The following IGHMBP2 variants were observed in gnomAD, a reference collection of about 807,000 sequenced individuals.
IGHMBP2 encodes the protein DNA-binding protein SMUBP-2.
A neutral mutation model predicts 96.0 loss-of-function variants in IGHMBP2; 81 were observed. The ratio of observed to expected loss-of-function variants is 0.84; its 90% CI spans 0.71 to 1.01. The LOEUF is 1.01. IGHMBP2 is among the 50% of genes least tolerant of loss of function. The probability of loss-of-function intolerance (pLI) is 0.00; values close to 1 mark genes in which losing one functional copy is unlikely to be tolerated. For synonymous variants in IGHMBP2, 557 were observed against 548.9 expected (o/e 1.01, Z -0.21); for missense variants, 1,227 against 1,306.3 (o/e 0.94, Z 0.94).
At chr11:68,922,598 A>G (rs1858921078) in intron 7 of IGHMBP2, among the ~76,000 whole-genome samples, 1 of 152,028 alleles carries the variant, frequency 6.6e-6, no homozygotes, top group South Asian at 2.1e-4. Context: ...GTTTCACCAC[A>G]TTGGCCAGGC....
chr11:68,936,090 G>T, intron 12 of IGHMBP2, 147 bp from the exon 13 acceptor site: 1 of 857,694 alleles, frequency 1.2e-6, no homozygotes, highest in South Asian at 1.4e-5. Flanking sequence ...TGGCATCACG[G>T]TGCCACGCGT....
chr11:68,917,752 C>G lies in IGHMBP2; in HGVS notation c.929C>G (p.Thr310Ser), dbSNP rs555235493. Residue 310 changes from threonine to serine, a missense_variant, in exon 7 of 15, where the codon ACC becomes AGC. Physicochemically the swap from Thr to Ser is moderately conservative, Grantham distance 58 (BLOSUM62 1). Transcript: ENST00000255078. Reference sequence around the variant, plus strand: ...TCTTTATAGGTGAAAAACAAAAAGACCCAGGATAAGAGAGAGAAAAGTAAT... The same window carrying G: ...TCTTTATAGGTGAAAAACAAAAAGAGCCAGGATAAGAGAGAGAAAAGTAAT... ...IDQVFVKNKK[T>S]QDKREKSNFR... is the part of the protein sequence containing the mutation. 3.7e-6 allele frequency: 6 copies of G among 1,612,230 alleles called. No individual in the cohort carries two copies. The highest frequency in any genetic ancestry group is 5.1e-6 in the Non-Finnish European group (6 of 1,178,744).
chr11:68,904,611 T>G (rs890526046), intron 1 of IGHMBP2, among the ~76,000 whole-genome samples: 19 of 151,560 alleles, frequency 1.3e-4, no homozygotes, highest in Admixed American at 4.6e-4. Flanking sequence ...GTTAAGCTGG[T>G]GGGTGCGGAG....
chr11:68,906,384 T>G, intron 2 of IGHMBP2, 146 bp downstream of exon 2: 1 of 909,738 alleles, frequency 1.1e-6, no homozygotes, highest in Non-Finnish European at 1.8e-6. Context: ...CAACAATTGA[T>G]GTGGGTTTTA....
intron 4 of IGHMBP2, among the ~76,000 whole-genome samples, chr11:68,909,629 CTT>C (rs764351899): frequency 1.2e-4 from 17 of 139,024 alleles, no homozygotes; most frequent in Non-Finnish European, 1.3e-4. Flanking sequence ...TTGGAAAAAT[CTT>C]TTTTTTTTTT....
Position 68,917,763 on chromosome 11 carries a change from A to G in IGHMBP2, c.940A>G (p.Arg314Gly), listed in dbSNP as rs775978627. 2 of 1,613,078 alleles carry G rather than the reference A, an allele frequency of 1.2e-6. No homozygotes were observed. Among genetic ancestry groups the G allele is most frequent in the Non-Finnish European group, 1.7e-6 (2 of 1,179,110 alleles). ...FVKNKKTQDK[R>G]EKSNFRNEIK... ...GAAAAACAAAAAGACCCAGGATAAG[A>G]GAGAGAAAAGTAATTTTCGAAATGA... The change falls in exon 7 of 15, where the codon AGA (arginine) becomes GGA (glycine). Residue 314 changes from arginine to glycine, a missense_variant. Arg to Gly is a moderately radical substitution (Grantham distance 125). Coordinates refer to ENST00000255078, the MANE Select transcript of IGHMBP2 (RefSeq NM_002180.3).
intron 5 of IGHMBP2, among the ~76,000 whole-genome samples, chr11:68,914,221 T>C (rs1370525521): frequency 1.3e-5 from 2 of 151,836 alleles, no homozygotes; most frequent in African/African-American, 4.8e-5. Context: ...CAACTGTCCA[T>C]GGGACTATTG....
At chr11:68,924,430 C>G (rs1442728739) in intron 7 of IGHMBP2, among the ~76,000 whole-genome samples, 1 of 152,228 alleles carries the variant, frequency 6.6e-6, no homozygotes, top group Non-Finnish European at 1.5e-5. Context: ...GCGGAGAGCC[C>G]AGGCCCGGCT....
At position 68,916,016 on chromosome 11, in the gene IGHMBP2, A is replaced by C. The variant is rs192312760; in HGVS notation, c.912+993A>C. Among the ~76,000 whole-genome samples the C allele has an allele frequency of 1.2e-3, 177 of 152,052 alleles. 1 individual carries two copies. Among genetic ancestry groups the C allele is most frequent in the African/African-American group, 3.8e-3 (159 of 41,536 alleles). Reference sequence around the variant, plus strand: ...TGGTGAAACCCCGTCTCTACTAAAAATACAAAAATTAGCTGAGCATGGTGG... The same window carrying C: ...TGGTGAAACCCCGTCTCTACTAAAACTACAAAAATTAGCTGAGCATGGTGG... On this transcript the variant is annotated intron_variant, in intron 6 of 14. Coordinates refer to ENST00000255078, the MANE Select transcript of IGHMBP2 (RefSeq NM_002180.3).
chr11:68,913,589 A>T (rs1401892434), intron 5 of IGHMBP2, among the ~76,000 whole-genome samples: 1 of 151,688 alleles, frequency 6.6e-6, no homozygotes, highest in Non-Finnish European at 1.5e-5. Flanking sequence ...GATTACAGGC[A>T]TGAGCCACCG....
rs756985703 is a variant in IGHMBP2, at chr11:68,934,517, C to G, written c.1591C>G (p.Pro531Ala). 1 of 1,612,990 alleles carries G rather than the reference C, an allele frequency of 6.2e-7. No individual in the cohort carries two copies. Among genetic ancestry groups the G allele is most frequent in the Non-Finnish European group, 8.5e-7 (1 of 1,179,446 alleles). ...HIQALVDAGV[P>A]ARDIAVVSPY... Reference sequence around the variant, plus strand: ...CCAGGCTCTGGTGGACGCTGGTGTTCCAGCCCGTGACATTGCTGTGGTCTC... The same window carrying G: ...CCAGGCTCTGGTGGACGCTGGTGTTGCAGCCCGTGACATTGCTGTGGTCTC... Residue 531 changes from proline (P) to alanine (A), a missense_variant, in exon 11 of 15, where the codon CCA becomes GCA. Around this residue, in one of 3 missense-constraint regions of IGHMBP2, gnomAD observed 703 missense variants for 770.3 expected, o/e 0.91. Transcript: ENST00000255078.
Position 68,936,913 on chromosome 11 carries a change from C to A in IGHMBP2, c.2433C>A (p.Thr811=). The change falls in exon 13 of 15, where the codon ACC becomes ACA. Residue 811 remains threonine, a synonymous_variant. Coordinates refer to ENST00000255078, the MANE Select transcript of IGHMBP2 (RefSeq NM_002180.3). ...CCCCTCTCCAGCCAGTGCCCCCTAC[C>A]CCTGCGCAGACAGAGCAGCCTCCCA... The part of the protein sequence containing the change: ...GPAPLQPVPP[T]PAQTEQPPRE... 6.2e-7 allele frequency: 1 copy of A among 1,605,974 alleles called. No individual in the cohort carries two copies. Among genetic ancestry groups the A allele is most frequent in the Non-Finnish European group, 8.5e-7 (1 of 1,176,694 alleles).
chr11:68,923,484 G>A (rs1231710558), intron 7 of IGHMBP2, among the ~76,000 whole-genome samples: 1 of 152,120 alleles, frequency 6.6e-6, no homozygotes, highest in East Asian at 1.9e-4. Flanking sequence ...ATTGGTGTGA[G>A]CCACCACGCC....
At chr11:68,925,984 A>G (rs546665154) in intron 7 of IGHMBP2, among the ~76,000 whole-genome samples, 2 of 150,210 alleles carry the variant, frequency 1.3e-5, no homozygotes, top group South Asian at 4.2e-4. Context: ...TTTTTCATCA[A>G]ATTTGGGGAG....
chr11:68,904,803 C>CTTTTCTTTTCTT (rs892709461), intron 1 of IGHMBP2, among the ~76,000 whole-genome samples: 2 of 120,996 alleles, frequency 1.7e-5, no homozygotes, highest in Non-Finnish European at 3.4e-5. Context: ...TTTTCTTTTT[C>CTTTTCTTTTCTT]TTTTTTTTTT....
chr11:68,908,228 G>A lies in IGHMBP2; in HGVS notation c.340G>A (p.Val114Ile), dbSNP rs2154006695. 1 of 1,614,122 alleles carries A rather than the reference G, an allele frequency of 6.2e-7. No homozygotes were observed. The highest frequency in any genetic ancestry group is 8.5e-7 in the Non-Finnish European group (1 of 1,180,020). ...CTTGACCCGGGTCACCCAGAAGTCG[G>A]TCACGGTGGCCTTTGATGAGTCCCA... ...GILTRVTQKS[V>I]TVAFDESHDF... The change falls in exon 3 of 15, where the codon GTC (valine) becomes ATC (isoleucine). Residue 114 changes from valine to isoleucine, a missense_variant. Val to Ile is a conservative substitution (Grantham distance 29). Coordinates refer to ENST00000255078, the MANE Select transcript of IGHMBP2 (RefSeq NM_002180.3).
chr11:68,914,320 A>G (rs557266652), intron 5 of IGHMBP2, among the ~76,000 whole-genome samples: 12 of 151,882 alleles, frequency 7.9e-5, no homozygotes, highest in Non-Finnish European at 1.6e-4. Flanking sequence ...AAAGAAAAAT[A>G]TAGTGGAGCT....
chr11:68,934,624 A>T (rs1859454516), intron 11 of IGHMBP2, 66 bp downstream of exon 11: 1 of 1,234,920 alleles, frequency 8.1e-7, no homozygotes, highest in Non-Finnish European at 1.2e-6. Flanking sequence ...AGGGTGAAAG[A>T]AAAAGGGTGA....
At position 68,911,617 on chromosome 11, in the gene IGHMBP2, G is replaced by A. The variant is rs1858440469; in HGVS notation, c.711+14G>A. On this transcript the variant is annotated intron_variant, in intron 5 of 14. Transcript: ENST00000255078. ...CAAGGCTTAAAGGTGGGCAGTGCAT[G>A]CCACTTCCCTGTCAGAGCCCGTCCG... 1 of 1,613,352 alleles carries A rather than the reference G, an allele frequency of 6.2e-7. No homozygotes were observed. The highest frequency in any genetic ancestry group is 8.5e-7 in the Non-Finnish European group (1 of 1,179,548).
Sources: gnomAD v4.1 joint callset for allele counts (sites outside exome capture counted in the v4.1 genomes callset) on GRCh38, gnomAD v4.1.1 for gene constraint, gnomAD v4.1.1 regional missense constraint, MANE v1.5 for transcripts, NCBI Gene and HGNC (gene_info 2026-07-23, HGNC 2026-07-21) for gene names.